Variants in SORCS2 observed in about 807,000 individuals in gnomAD.
SORCS2 encodes sortilin related VPS10 domain containing receptor 2, also known as VPS10 domain-containing receptor SorCS2.
In SORCS2, 100 loss-of-function variants were observed where a neutral mutation model predicts 141.6. The observed-to-expected ratio is 0.71, with a 90% confidence interval of 0.60 to 0.83. SORCS2 has a LOEUF of 0.83. SORCS2 is among the 40% of genes least tolerant of loss of function. SORCS2 has a pLI of 0.00. For missense variants in SORCS2, 1,646 were observed against 1,560.2 expected (o/e 1.05, Z -0.93); for synonymous variants, 789 against 676.9 (o/e 1.17, Z -2.57).
chr4:7,686,433 T>C (rs182568681), intron 10 of SORCS2, among the ~76,000 whole-genome samples: 4 of 152,304 alleles, frequency 2.6e-5, no homozygotes, highest in African/African-American at 9.6e-5. Context: ...CTGGCCCCTA[T>C]GTGCCAAACG....
At position 7,433,017 on chromosome 4, in the gene SORCS2, A is replaced by G. The variant is rs573191781; in HGVS notation, c.548+36662A>G. 4 of 256,788 alleles carry G rather than the reference A, an allele frequency of 1.6e-5. No individual in the cohort carries two copies. The East Asian group carries it at 2.8e-4, about 18-fold the overall frequency. 15.9% of individuals were successfully genotyped at this position (256,788 alleles called of 1,614,324 possible). On this transcript the variant is annotated intron_variant, in intron 2 of 26. Coordinates refer to ENST00000507866, the MANE Select transcript of SORCS2 (RefSeq NM_020777.3). ...CACCTGAGCCCATGGGCAGGCTCTC[A>G]TGGGACCACCGGCAACATCTCAGCC...
chr4:7,543,724 CCACCCAT>C, intron 3 of SORCS2, among the ~76,000 whole-genome samples: 1 of 118,136 alleles, frequency 8.5e-6, no homozygotes, highest in Admixed American at 8.0e-5. Context: ...ATCCACCCAT[CCACCCAT>C]CCACCCATCC....
intron 1 of SORCS2, among the ~76,000 whole-genome samples, chr4:7,392,967 T>A (rs1723963089): frequency 6.6e-6 from 1 of 151,636 alleles, no homozygotes; most frequent in African/African-American, 2.4e-5. Flanking sequence ...GGCATAGATT[T>A]GGAACCCAGC....
intron 3 of SORCS2, among the ~76,000 whole-genome samples, chr4:7,549,382 A>T (rs1713513590): frequency 6.6e-6 from 1 of 151,644 alleles, no homozygotes; most frequent in Non-Finnish European, 1.5e-5. Flanking sequence ...CTTGGACAGC[A>T]TTCTAGATGT....
chr4:7,721,463 C>T (rs1726587243), intron 18 of SORCS2, among the ~76,000 whole-genome samples: 2 of 151,544 alleles, frequency 1.3e-5, no homozygotes, highest in South Asian at 4.2e-4. Context: ...GAGATCCCGT[C>T]TTAAAAAAAA....
intron 3 of SORCS2, among the ~76,000 whole-genome samples, chr4:7,558,419 T>G (rs989327218): frequency 1.3e-5 from 2 of 152,042 alleles, no homozygotes; most frequent in Non-Finnish European, 2.9e-5. Flanking sequence ...CAAAACCTAC[T>G]GGGGTGGAAA....
chr4:7,378,240 C>A (rs146941459), intron 1 of SORCS2, among the ~76,000 whole-genome samples: 2 of 152,178 alleles, frequency 1.3e-5, no homozygotes, highest in Non-Finnish European at 2.9e-5. Context: ...AAATTGACTC[C>A]ATTGCTTCTC....
At chr4:7,499,086 T>C (rs1358677538) in intron 2 of SORCS2, among the ~76,000 whole-genome samples, 26 of 152,178 alleles carry the variant, frequency 1.7e-4, no homozygotes, top group Non-Finnish European at 5.9e-5. Flanking sequence ...GGAGTGTGTG[T>C]CTGTGCATGT....
chr4:7,553,022 A>T (rs1318724067), intron 3 of SORCS2, among the ~76,000 whole-genome samples: 1 of 152,116 alleles, frequency 6.6e-6, no homozygotes, highest in Non-Finnish European at 1.5e-5. Context: ...TCAACCATAG[A>T]ACTAGAGGCC....
At chr4:7,639,476 ATGGGTGTGAATGTGTGTGGGGG>A (rs949085742) in intron 4 of SORCS2, among the ~76,000 whole-genome samples, 2 of 142,336 alleles carry the variant, frequency 1.4e-5, no homozygotes, top group Non-Finnish European at 3.1e-5. Context: ...GTCAGTGTGA[ATGGGTGTGAATGTGTGTGGGGG>A]TGGGTGTGAA....
intron 2 of SORCS2, among the ~76,000 whole-genome samples, chr4:7,400,835 GTGGATGGGGAGATGGATGGATGGA>G (rs2109125318): frequency 6.7e-6 from 1 of 149,746 alleles, no homozygotes; most frequent in Admixed American, 6.7e-5. Flanking sequence ...GGATGGATGG[GTGGATGGGGAGATGGATGGATGGA>G]TGGATGAATG....
intron 2 of SORCS2, among the ~76,000 whole-genome samples, chr4:7,448,487 CTCCCT>C (rs11276667): frequency 0.81 from 114,459 of 141,190 alleles, 48,087 homozygotes; most frequent in Non-Finnish European, 0.93. Flanking sequence ...TCTTCCATGT[CTCCCT>C]TCCTTTCCTT....
chr4:7,345,421 A>T (rs1440601776), intron 1 of SORCS2, among the ~76,000 whole-genome samples: 1 of 152,194 alleles, frequency 6.6e-6, no homozygotes, highest in Admixed American at 6.5e-5. Context: ...AAATGGTTCC[A>T]TCAGTTTACA....
intron 1 of SORCS2, among the ~76,000 whole-genome samples, chr4:7,392,207 T>C (rs1382901269): frequency 6.6e-6 from 1 of 152,164 alleles, no homozygotes; most frequent in Non-Finnish European, 1.5e-5. Context: ...GGTGAAGCCT[T>C]GTGTCTCCCA....
chr4:7,730,712 A>G (rs985391168), intron 23 of SORCS2, among the ~76,000 whole-genome samples: 5 of 152,230 alleles, frequency 3.3e-5, no homozygotes, highest in Middle Eastern at 3.4e-3. Context: ...GAAATAGATG[A>G]GTTGTTGCCA....
chr4:7,264,652 C>T (rs1673749252), intron 1 of SORCS2, among the ~76,000 whole-genome samples: 1 of 152,214 alleles, frequency 6.6e-6, no homozygotes. Flanking sequence ...GTGATTGAAA[C>T]TAGGCGGAGC....
intron 23 of SORCS2, among the ~76,000 whole-genome samples, chr4:7,732,133 G>A (rs1711738562): frequency 6.6e-6 from 1 of 152,202 alleles, no homozygotes; most frequent in Non-Finnish European, 1.5e-5. Flanking sequence ...AACGGGCAAA[G>A]GAGCCAAGTA....
In SORCS2 at chr4:7,233,035, G is replaced by A. The variant is rs1177738336; in HGVS notation, c.480+39909G>A. ...CCTCTGCACTAGGAACCTCCCAGAGGCTTTCTGGGGCATGGGTCAGCTGAG... is the reference window on the plus strand; with the variant it reads ...CCTCTGCACTAGGAACCTCCCAGAGACTTTCTGGGGCATGGGTCAGCTGAG... On this transcript the variant is annotated intron_variant, in intron 1 of 26. Transcript: ENST00000507866. This position sits in a 1 kb window ranked among gnomAD's most constrained non-coding sequence, Gnocchi z 4.5. 6.6e-6 allele frequency among the ~76,000 whole-genome samples: 1 copy of A among 152,168 alleles called. No individual in the cohort carries two copies. Among genetic ancestry groups the A allele is most frequent in the Admixed American group, 6.5e-5 (1 of 15,282 alleles).
At chr4:7,722,722 G>A (rs777176674) in intron 18 of SORCS2, among the ~76,000 whole-genome samples, 66 of 152,214 alleles carry the variant, frequency 4.3e-4, no homozygotes, top group Non-Finnish European at 7.5e-4. Flanking sequence ...GTCACATTCT[G>A]AGGTTCCCGG....
Sources: allele counts gnomAD v4.1 joint callset (sites outside exome capture counted in the v4.1 genomes callset), GRCh38; gene constraint gnomAD v4.1.1; non-coding constraint Gnocchi (gnomAD v3.1); transcripts MANE v1.5; gene names NCBI Gene and HGNC (gene_info 2026-07-23, HGNC 2026-07-21).